Variants in MTOR observed in about 807,000 individuals in gnomAD.
The protein encoded by MTOR is mechanistic target of rapamycin kinase, also known as serine/threonine-protein kinase mTOR.
Under a neutral mutation model 319.8 loss-of-function variants are expected in MTOR, and 70 were observed. The observed-to-expected ratio is 0.22, with a 90% CI of 0.18 to 0.27. The LOEUF (loss-of-function observed/expected upper bound fraction) is 0.27, where lower values mean the gene tolerates loss of function less well. MTOR is among the 10% of genes least tolerant of loss of function. The pLI, the probability that MTOR is intolerant of heterozygous loss-of-function variation, is 1.00. For synonymous variants in MTOR, 1,183 were observed against 1,211.4 expected (o/e 0.98, Z 0.49); for missense variants, 1,890 against 3,274.4 (o/e 0.58, Z 10.32).
At chr1:11,178,825 G>C (rs1645064627) in intron 28 of MTOR, among the ~76,000 whole-genome samples, 1 of 152,202 alleles carries the variant, frequency 6.6e-6, no homozygotes, top group Non-Finnish European at 1.5e-5. Context: ...CTTGGCTTCT[G>C]AATGTCCAAG....
At chr1:11,242,595 G>A (rs1326061341) in intron 9 of MTOR, among the ~76,000 whole-genome samples, 2 of 150,570 alleles carry the variant, frequency 1.3e-5, no homozygotes, top group Non-Finnish European at 2.9e-5. Flanking sequence ...AAGACAACCT[G>A]AGACAAAGGA....
intron 6 of MTOR, among the ~76,000 whole-genome samples, chr1:11,252,627 C>T (rs1649843305): frequency 6.6e-6 from 1 of 152,114 alleles, no homozygotes; most frequent in African/African-American, 2.4e-5. Context: ...GGATCTGAAG[C>T]CAGACTCCTC....
chr1:11,231,595 T>C (rs1647018245), intron 16 of MTOR, among the ~76,000 whole-genome samples, 161 bp from the exon 17 acceptor site: 1 of 152,162 alleles, frequency 6.6e-6, no homozygotes, highest in Admixed American at 6.5e-5. Flanking sequence ...CAAAAGGGCA[T>C]AAAACCAAGG....
chr1:11,112,740 G>C, intron 54 of MTOR, 112 bp downstream of exon 54: 1 of 1,110,098 alleles, frequency 9.0e-7, no homozygotes, highest in Middle Eastern at 2.2e-4. Context: ...GCACAAGGGG[G>C]AGAGCCTCTG....
At chr1:11,185,780 T>C (rs1010188181) in intron 28 of MTOR, among the ~76,000 whole-genome samples, 1 of 151,810 alleles carries the variant, frequency 6.6e-6, no homozygotes, top group African/African-American at 2.4e-5. Flanking sequence ...TGGGATGGAG[T>C]GCTAGAAAGG....
At chr1:11,247,139 A>G (rs1237956471) in intron 8 of MTOR, among the ~76,000 whole-genome samples, 2 of 152,208 alleles carry the variant, frequency 1.3e-5, no homozygotes, top group Non-Finnish European at 2.9e-5. Context: ...AGGCAAGGAC[A>G]TTTACAGCTG....
chr1:11,257,565 A>AG (rs1204579916), intron 3 of MTOR, among the ~76,000 whole-genome samples: 3 of 73,322 alleles, frequency 4.1e-5, no homozygotes, highest in African/African-American at 1.3e-4. Flanking sequence ...TCTGTCTCAG[A>AG]GAAAAAAAAA....
chr1:11,243,525 T>A (rs928109585), intron 8 of MTOR, among the ~76,000 whole-genome samples: 4 of 151,488 alleles, frequency 2.6e-5, no homozygotes, highest in Admixed American at 6.6e-5. Context: ...ACCCTGTCTC[T>A]ACAAAAATAA....
intron 49 of MTOR, among the ~76,000 whole-genome samples, 193 bp from the exon 50 acceptor site, chr1:11,117,279 G>A (rs560058900): frequency 1.3e-5 from 2 of 152,320 alleles, no homozygotes; most frequent in Non-Finnish European, 2.9e-5. Context: ...TCATGCCTCA[G>A]CCTCCTGAGT....
intron 28 of MTOR, among the ~76,000 whole-genome samples, chr1:11,177,983 G>A (rs1405007858): frequency 2.8e-4 from 1 of 3,602 alleles, no homozygotes; most frequent in Non-Finnish European, 6.4e-3. Flanking sequence ...TTTGTATGCT[G>A]CCTTTTCACT....
chr1:11,211,879 A>G (rs529393186), intron 23 of MTOR, among the ~76,000 whole-genome samples: 60 of 151,974 alleles, frequency 3.9e-4, no homozygotes, highest in Non-Finnish European at 8.2e-4. Context: ...GCAAGCTGCC[A>G]CCTCAACCTT....
chr1:11,111,077 A>C, intron 54 of MTOR: 4 of 454,468 alleles, frequency 8.8e-6, no homozygotes, highest in South Asian at 6.2e-5. Flanking sequence ...GGCATTCACA[A>C]ATCCTGTCAC....
At chr1:11,193,807 C>G in intron 28 of MTOR, 3 of 1,608,588 alleles carry the variant, frequency 1.9e-6, no homozygotes, top group Non-Finnish European at 2.6e-6. Context: ...CATGACTGGA[C>G]CAGTGCCACC....
At chr1:11,173,510 T>C (rs1400423971) in intron 28 of MTOR, among the ~76,000 whole-genome samples, 1 of 152,134 alleles carries the variant, frequency 6.6e-6, no homozygotes, top group African/African-American at 2.4e-5. Flanking sequence ...CTCGAACTCC[T>C]GAGCTCAAGT....
At chr1:11,144,842 AG>A in intron 33 of MTOR, 87 bp from the exon 34 acceptor site, 2 of 1,520,940 alleles carry the variant, frequency 1.3e-6, no homozygotes, top group Non-Finnish European at 1.8e-6. Context: ...TTCTGGTGTC[AG>A]GGTATCTGCC....
chr1:11,248,046 C>G lies in MTOR; in HGVS notation c.889G>C (p.Asp297His). 6.2e-7 allele frequency: 1 copy of G among 1,613,538 alleles called. No individual in the cohort carries two copies. Among genetic ancestry groups the G allele is most frequent in the East Asian group, 2.2e-5 (1 of 44,864 alleles). Residue 297 changes from aspartate (D) to histidine (H), a missense_variant, in exon 7 of 58, where the codon GAC becomes CAC. Asp to His is a moderately conservative substitution (Grantham distance 81, BLOSUM62 -1). Transcript: ENST00000361445. ...EEITQQQLVH[D>H]KYCKDLMGFG... is the part of the protein sequence containing the mutation. ...CCCATGAGATCTTTGCAGTACTTGT[C>G]GTGTACCAGCTGCTGCTGTGTGATT... is the stretch of plus-strand genomic sequence containing the variant.
At chr1:11,248,562 G>A (rs1379160376) in intron 6 of MTOR, among the ~76,000 whole-genome samples, 7 of 152,104 alleles carry the variant, frequency 4.6e-5, no homozygotes, top group Admixed American at 2.6e-4. Flanking sequence ...CTGTAATTCC[G>A]GTACTTTGGG....
At chr1:11,125,005 G>A (rs1642750442) in intron 46 of MTOR, among the ~76,000 whole-genome samples, 3 of 134,910 alleles carry the variant, frequency 2.2e-5, no homozygotes, top group Non-Finnish European at 4.6e-5. Context: ...AAGGGTACTG[G>A]CAGGAGGTCA....
intron 28 of MTOR, among the ~76,000 whole-genome samples, chr1:11,178,271 G>A (rs531018662): frequency 3.9e-5 from 6 of 152,306 alleles, no homozygotes; most frequent in South Asian, 2.1e-4. Flanking sequence ...TTGACTCACC[G>A]TCTCCAGGCA....
Sources: gnomAD v4.1 joint callset for allele counts (sites outside exome capture counted in the v4.1 genomes callset) on GRCh38, gnomAD v4.1.1 for gene constraint, MANE v1.5 for transcripts, NCBI Gene and HGNC (gene_info 2026-07-23, HGNC 2026-07-21) for gene names.